The following PTPRK variants were observed in gnomAD, a reference collection of about 807,000 sequenced individuals.
PTPRK encodes receptor-type tyrosine-protein phosphatase kappa.
In PTPRK, 75 loss-of-function variants were observed where a neutral mutation model predicts 178.0. The ratio of observed to expected loss-of-function variants is 0.42; its 90% CI spans 0.35 to 0.51. PTPRK has a LOEUF of 0.51. PTPRK is among the 20% of genes least tolerant of loss of function. The pLI is 0.02. For synonymous variants in PTPRK, 637 were observed against 620.6 expected (o/e 1.03, Z -0.39); for missense variants, 1,441 against 1,797.8 (o/e 0.80, Z 3.59).
intron 15 of PTPRK, chr6:128,001,123 T>C (rs1214030400): frequency 2.4e-6 from 3 of 1,227,550 alleles, no homozygotes; most frequent in Admixed American, 2.3e-5. Context: ...ATCCTTATTA[T>C]ACATTTAAGA....
At chr6:128,495,111 G>A (rs1584965887) in intron 1 of PTPRK, among the ~76,000 whole-genome samples, 2 of 152,100 alleles carry the variant, frequency 1.3e-5, no homozygotes, top group South Asian at 4.1e-4. Context: ...AACTGTGTGG[G>A]TGAGTGTGTG....
intron 6 of PTPRK, among the ~76,000 whole-genome samples, chr6:128,184,982 TCA>T (rs1802524426): frequency 6.6e-6 from 1 of 152,102 alleles, no homozygotes; most frequent in South Asian, 2.1e-4. Flanking sequence ...ACTTGTAAAG[TCA>T]CAGTATACAA....
chr6:128,435,926 G>A (rs1333122205), intron 1 of PTPRK, among the ~76,000 whole-genome samples: 1 of 151,230 alleles, frequency 6.6e-6, no homozygotes, highest in East Asian at 1.9e-4. Context: ...ACAGGATGTA[G>A]TTTAATTAAA....
intron 1 of PTPRK, among the ~76,000 whole-genome samples, chr6:128,400,014 T>C (rs878936635): frequency 6.6e-6 from 1 of 152,198 alleles, no homozygotes; most frequent in Non-Finnish European, 1.5e-5. Flanking sequence ...AATAAAACTT[T>C]TACAAATTTT....
intron 13 of PTPRK, among the ~76,000 whole-genome samples, chr6:128,032,399 C>A (rs17055231): frequency 6.6e-6 from 1 of 152,112 alleles, no homozygotes; most frequent in African/African-American, 2.4e-5. Flanking sequence ...AGATCAGCAA[C>A]AGGAGATGGG....
chr6:128,387,170 G>A (rs1158970889), intron 2 of PTPRK, among the ~76,000 whole-genome samples: 7 of 152,128 alleles, frequency 4.6e-5, no homozygotes, highest in Non-Finnish European at 1.0e-4. Context: ...TAAGGGGGAA[G>A]TTTTAAGAAA....
intron 15 of PTPRK, among the ~76,000 whole-genome samples, chr6:127,999,582 G>A (rs72975931): frequency 9.3e-4 from 142 of 152,066 alleles, no homozygotes; most frequent in Non-Finnish European, 1.8e-3. Context: ...GAGAAATCAG[G>A]GCGCGCTTCT....
chr6:128,383,333 T>C, intron 2 of PTPRK, among the ~76,000 whole-genome samples: 1 of 151,940 alleles, frequency 6.6e-6, no homozygotes. Context: ...AAAAAAAACA[T>C]AAACACCATC....
At chr6:128,273,972 T>C (rs1820323793) in intron 3 of PTPRK, among the ~76,000 whole-genome samples, 2 of 152,186 alleles carry the variant, frequency 1.3e-5, no homozygotes, top group Admixed American at 6.5e-5. Context: ...GCCTTTTTAT[T>C]ATTAATGAAC....
At chr6:128,273,163 T>G (rs1435985592) in intron 3 of PTPRK, among the ~76,000 whole-genome samples, 3 of 151,920 alleles carry the variant, frequency 2.0e-5, no homozygotes, top group Admixed American at 2.0e-4. Context: ...ATGAGAACAC[T>G]TGGACACAGG....
rs184356290 is a variant in PTPRK, at chr6:128,168,791, C to T, written c.1162+15641G>A. ...CCCTGGTGCCAATAAGGTTGGGGAC[C>T]GCTGCACTACAGCATTATTCACAAT... On this transcript the variant is annotated intron_variant, in intron 7 of 29. Coordinates refer to ENST00000368226, the MANE Select transcript of PTPRK (RefSeq NM_002844.4). Among the ~76,000 whole-genome samples, 7 of 152,050 alleles carry T rather than the reference C, an allele frequency of 4.6e-5. No homozygotes were observed. In the East Asian group the frequency reaches 5.8e-4, roughly 13 times the overall value.
chr6:128,496,283 C>T (rs1436948754), intron 1 of PTPRK, among the ~76,000 whole-genome samples: 1 of 152,102 alleles, frequency 6.6e-6, no homozygotes, highest in Non-Finnish European at 1.5e-5. Flanking sequence ...AAACATTTCC[C>T]TAAATCTTAA....
At chr6:128,462,955 AG>A (rs1187365931) in intron 1 of PTPRK, among the ~76,000 whole-genome samples, 7 of 152,238 alleles carry the variant, frequency 4.6e-5, no homozygotes, top group African/African-American at 1.4e-4. Context: ...CACCGTGCCC[AG>A]TCAAAAATAG....
At chr6:127,994,524 T>C (rs1776932984) in intron 18 of PTPRK, among the ~76,000 whole-genome samples, 1 of 151,778 alleles carries the variant, frequency 6.6e-6, no homozygotes, top group African/African-American at 2.4e-5. Context: ...ACTGCAAAGA[T>C]AAGGAAACTG....
chr6:128,103,041 C>T (rs1266361465), intron 7 of PTPRK, among the ~76,000 whole-genome samples: 1 of 152,126 alleles, frequency 6.6e-6, no homozygotes, highest in Non-Finnish European at 1.5e-5. Flanking sequence ...CCATGCTGCC[C>T]TATCCTCTTC....
chr6:128,191,579 C>T (rs1803791504), intron 6 of PTPRK, among the ~76,000 whole-genome samples: 2 of 151,944 alleles, frequency 1.3e-5, no homozygotes, highest in South Asian at 4.1e-4. Context: ...TAAATATTCT[C>T]ACCACAAATA....
At chr6:127,979,458 GT>G (rs1342949409) in intron 25 of PTPRK, among the ~76,000 whole-genome samples, 1 of 152,058 alleles carries the variant, frequency 6.6e-6, no homozygotes, top group East Asian at 1.9e-4. Flanking sequence ...AAAAAGTATT[GT>G]ATGCCATCTC....
Position 127,973,753 on chromosome 6 carries a change from G to C in PTPRK, c.4044C>G (p.Ser1348=). ...GTATCAGTTTCAAGAATGACCTTTT[G>C]GATCCAGGCACTTCTCGATGAGAAG... The part of the protein sequence containing the change: ...GWASHREVPG[S]KRSFLKLILQ... The change falls in exon 28 of 30, where the codon TCC becomes TCG. Residue 1348 remains serine (S), a synonymous_variant. Coordinates refer to ENST00000368226, the MANE Select transcript of PTPRK (RefSeq NM_002844.4). 6.2e-7 allele frequency: 1 copy of C among 1,613,890 alleles called. No homozygotes were observed. The highest frequency in any genetic ancestry group is 8.5e-7 in the Non-Finnish European group (1 of 1,179,902).
chr6:128,418,563 C>T (rs1042307740), intron 1 of PTPRK, among the ~76,000 whole-genome samples: 1 of 152,146 alleles, frequency 6.6e-6, no homozygotes, highest in Admixed American at 6.5e-5. Flanking sequence ...TGAGGTGGAA[C>T]GGTGTCCTCC....
Sources: gnomAD v4.1 joint callset for allele counts (sites outside exome capture counted in the v4.1 genomes callset) on GRCh38, gnomAD v4.1.1 for gene constraint, MANE v1.5 for transcripts, NCBI Gene and HGNC (gene_info 2026-07-23, HGNC 2026-07-21) for gene names.